The following DTNA variants were observed in gnomAD, a reference collection of about 807,000 sequenced individuals.
The protein encoded by DTNA is dystrobrevin alpha, also known as dystrophin-related protein 3.
A neutral mutation model predicts 100.7 loss-of-function variants in DTNA; 43 were observed. That is an observed-to-expected ratio of 0.43 (90% confidence interval 0.33 to 0.55). DTNA has a LOEUF of 0.55. Among genes scored for constraint, DTNA ranks in the 20% least tolerant of loss-of-function variants. DTNA has a pLI of 0.04. For missense variants in DTNA, 798 were observed against 953.9 expected (o/e 0.84, Z 2.15); for synonymous variants, 349 against 347.9 (o/e 1.00, Z -0.04).
chr18:34,747,142 C>G (rs2091735274), intron 1 of DTNA, among the ~76,000 whole-genome samples: 2 of 148,058 alleles, frequency 1.4e-5, no homozygotes, highest in Admixed American at 1.3e-4. Flanking sequence ...ATTTATATTC[C>G]TCTAAAAGAA....
intron 1 of DTNA, among the ~76,000 whole-genome samples, chr18:34,726,835 C>T (rs940889337): frequency 1.3e-5 from 2 of 152,226 alleles, no homozygotes; most frequent in African/African-American, 4.8e-5. Flanking sequence ...CTTCTCACAG[C>T]TCCACTAGGT....
chr18:34,791,045 A>C (rs972355853), intron 3 of DTNA, among the ~76,000 whole-genome samples: 19 of 152,116 alleles, frequency 1.2e-4, no homozygotes, highest in African/African-American at 4.3e-4. Context: ...GCTCACCCTG[A>C]GGCTGAAGTA....
At position 34,629,728 on chromosome 18, in the gene DTNA, G is replaced by A. The variant is rs143349440; in HGVS notation, c.-1-126248G>A. Among the ~76,000 whole-genome samples the A allele has an allele frequency of 5.0e-3, 766 of 152,180 alleles. 6 individuals are homozygous for A. Among genetic ancestry groups the A allele is most frequent in the African/African-American group, 0.017 (716 of 41,524 alleles). Reference sequence around the variant, plus strand: ...TGGTCAACTACAACCCAGCATATAAGCCTCCCCAGTCCTTCATTTTCTCAT... The same window carrying A: ...TGGTCAACTACAACCCAGCATATAAACCTCCCCAGTCCTTCATTTTCTCAT... On this transcript the variant is annotated intron_variant, in intron 1 of 19. Coordinates refer to the DTNA transcript ENST00000283365.
intron 1 of DTNA, among the ~76,000 whole-genome samples, chr18:34,515,851 C>G (rs1462743297): frequency 2.0e-5 from 3 of 152,054 alleles, no homozygotes; most frequent in Admixed American, 6.6e-5. Context: ...CTACTTTTGT[C>G]TTAGGATCAT....
At chr18:34,830,482 T>C (rs933875709) in intron 11 of DTNA, among the ~76,000 whole-genome samples, 1 of 152,208 alleles carries the variant, frequency 6.6e-6, no homozygotes, top group African/African-American at 2.4e-5. Context: ...CTTTGAAGTC[T>C]TTTGACATCC....
chr18:34,819,139 C>T (rs1388518743), intron 8 of DTNA, among the ~76,000 whole-genome samples: 4 of 152,180 alleles, frequency 2.6e-5, no homozygotes, highest in Non-Finnish European at 5.9e-5. Context: ...CTTCCAGCAC[C>T]TCTTGGAATA....
chr18:34,678,572 G>C (rs2077671411), intron 1 of DTNA, among the ~76,000 whole-genome samples: 1 of 152,054 alleles, frequency 6.6e-6, no homozygotes, highest in South Asian at 2.1e-4. Flanking sequence ...AATTTTTGCT[G>C]CTTCAAGCCA....
intron 13 of DTNA, among the ~76,000 whole-genome samples, chr18:34,842,453 T>G (rs2096285624): frequency 1.3e-5 from 2 of 152,188 alleles, no homozygotes; most frequent in Admixed American, 6.5e-5. Flanking sequence ...AACTCTTTAA[T>G]AGATTCCTAT....
chr18:34,624,159 G>A (rs991713573), intron 1 of DTNA, among the ~76,000 whole-genome samples: 1 of 152,126 alleles, frequency 6.6e-6, no homozygotes, highest in African/African-American at 2.4e-5. Context: ...AAAAATACAA[G>A]GTAGTCGGTT....
chr18:34,807,906 C>T (rs1038175814), intron 5 of DTNA, among the ~76,000 whole-genome samples: 5 of 139,620 alleles, frequency 3.6e-5, no homozygotes, highest in Non-Finnish European at 6.0e-5. Context: ...GAGTAATCCT[C>T]GGGCATTTCC....
At chr18:34,523,040 C>G (rs544558402) in intron 1 of DTNA, among the ~76,000 whole-genome samples, 1 of 152,306 alleles carries the variant, frequency 6.6e-6, no homozygotes, top group South Asian at 2.1e-4. Flanking sequence ...TTCAGTCCCA[C>G]TTTAGAAAGC....
chr18:34,837,285 G>C (rs1364537259), intron 11 of DTNA, among the ~76,000 whole-genome samples: 1 of 152,122 alleles, frequency 6.6e-6, no homozygotes, highest in East Asian at 1.9e-4. Flanking sequence ...CAATACCATA[G>C]TTCTCGATGT....
At chr18:34,533,400 G>A (rs1253156915) in intron 1 of DTNA, among the ~76,000 whole-genome samples, 1 of 151,634 alleles carries the variant, frequency 6.6e-6, no homozygotes. Context: ...TACAGAGTGG[G>A]ACATGAAGAT....
intron 1 of DTNA, among the ~76,000 whole-genome samples, chr18:34,687,932 C>T (rs1236967798): frequency 6.6e-6 from 1 of 151,842 alleles, no homozygotes; most frequent in Non-Finnish European, 1.5e-5. Flanking sequence ...GGTTTAAAGT[C>T]TGTTTTATCA....
intron 1 of DTNA, among the ~76,000 whole-genome samples, chr18:34,613,300 T>G (rs1262239433): frequency 6.6e-6 from 1 of 152,212 alleles, no homozygotes; most frequent in East Asian, 1.9e-4. Flanking sequence ...CCCTATTCTC[T>G]GAGACACAGT....
chr18:34,817,015 T>C (rs2095611758), intron 7 of DTNA, among the ~76,000 whole-genome samples: 2 of 152,228 alleles, frequency 1.3e-5, no homozygotes, highest in South Asian at 4.1e-4. Context: ...CATGTTATTA[T>C]GCAAAATGAG....
At chr18:34,866,888 C>A in intron 17 of DTNA, 1 of 1,065,490 alleles carries the variant, frequency 9.4e-7, no homozygotes. Flanking sequence ...TTTTTTTTTT[C>A]TGGAAATAGG....
At chr18:34,523,976 G>C (rs1243881761) in intron 1 of DTNA, among the ~76,000 whole-genome samples, 2 of 149,318 alleles carry the variant, frequency 1.3e-5, no homozygotes, top group African/African-American at 2.6e-5. Context: ...TTCTGTTTAT[G>C]GTTTTGACAA....
intron 1 of DTNA, among the ~76,000 whole-genome samples, chr18:34,682,950 T>C (rs2078335958): frequency 6.6e-6 from 1 of 152,156 alleles, no homozygotes; most frequent in African/African-American, 2.4e-5. Context: ...ATTTTGCATA[T>C]CAAATTAATG....
Sources: gnomAD v4.1 joint callset for allele counts (sites outside exome capture counted in the v4.1 genomes callset) on GRCh38, gnomAD v4.1.1 for gene constraint, MANE v1.5 for transcripts, NCBI Gene and HGNC (gene_info 2026-07-23, HGNC 2026-07-21) for gene names.